GMDS: variants seen among roughly 807,000 people sequenced by gnomAD.
GMDS encodes GDP-mannose 4,6-dehydratase.
A neutral mutation model predicts 49.9 loss-of-function variants in GMDS; 20 were observed. The ratio of observed to expected loss-of-function variants is 0.40; its 90% CI spans 0.28 to 0.58. The LOEUF (loss-of-function observed/expected upper bound fraction) is 0.58, where lower values mean the gene tolerates loss of function less well. GMDS is among the 20% of genes least tolerant of loss of function. GMDS has a pLI of 0.42. For missense variants in GMDS, 362 were observed against 481.4 expected, an observed-to-expected ratio of 0.75 and a Z score of 2.32; for synonymous variants, 177 against 178.6, an observed-to-expected ratio of 0.99 and a Z score of 0.07.
chr6:1,777,948 C>T (rs1768907528), intron 7 of GMDS, among the ~76,000 whole-genome samples: 1 of 152,068 alleles, frequency 6.6e-6, no homozygotes, highest in South Asian at 2.1e-4. Context: ...AGGTGAAATG[C>T]TGAATTCTTT....
At chr6:2,217,313 C>T (rs1340899521) in intron 1 of GMDS, among the ~76,000 whole-genome samples, 2 of 152,098 alleles carry the variant, frequency 1.3e-5, no homozygotes, top group African/African-American at 2.4e-5. Context: ...AGTTCTATTA[C>T]CAGGACACGT....
chr6:2,126,026 T>C (rs2127511433), intron 1 of GMDS, among the ~76,000 whole-genome samples: 1 of 152,330 alleles, frequency 6.6e-6, no homozygotes, highest in Admixed American at 6.5e-5. Context: ...TTCTTAATAA[T>C]TATTTTTAAA....
intron 4 of GMDS, among the ~76,000 whole-genome samples, chr6:2,012,706 G>C (rs1767634475): frequency 6.6e-6 from 1 of 152,062 alleles, no homozygotes; most frequent in African/African-American, 2.4e-5. Flanking sequence ...GAAACCGCCA[G>C]GAAAATCAAA....
chr6:2,170,799 T>A (rs183933488), intron 1 of GMDS, among the ~76,000 whole-genome samples: 43 of 151,964 alleles, frequency 2.8e-4, no homozygotes, highest in Non-Finnish European at 4.4e-4. Flanking sequence ...ATCGAGACCA[T>A]CCTGACTAAC....
intron 7 of GMDS, among the ~76,000 whole-genome samples, chr6:1,855,737 AT>A (rs1427659687): frequency 1.3e-5 from 2 of 152,204 alleles, no homozygotes; most frequent in Non-Finnish European, 2.9e-5. Flanking sequence ...AAGAAACAAT[AT>A]TTTTCAAGAA....
intron 9 of GMDS, among the ~76,000 whole-genome samples, chr6:1,710,532 G>A (rs559936647): frequency 6.6e-6 from 1 of 152,096 alleles, no homozygotes; most frequent in Non-Finnish European, 1.5e-5. Context: ...GCCCTCTGGG[G>A]CTTCACCAAA....
At chr6:2,006,947 G>GA (rs1269933631) in intron 4 of GMDS, among the ~76,000 whole-genome samples, 17 of 152,296 alleles carry the variant, frequency 1.1e-4, no homozygotes, top group African/African-American at 3.8e-4. Context: ...TTATGCAGAA[G>GA]AAAAATGCCC....
chr6:1,885,611 C>A (rs184828789), intron 7 of GMDS, among the ~76,000 whole-genome samples: 7 of 152,254 alleles, frequency 4.6e-5, no homozygotes, highest in African/African-American at 1.7e-4. Context: ...CGTGACTGTT[C>A]CTTGGTCTCC....
intron 1 of GMDS, among the ~76,000 whole-genome samples, chr6:2,136,076 C>T (rs899216391): frequency 2.6e-5 from 4 of 151,960 alleles, no homozygotes; most frequent in South Asian, 4.2e-4. Context: ...AGGCAACTGT[C>T]GCACTATTGT....
chr6:1,828,439 A>G (rs1351166905), intron 7 of GMDS, among the ~76,000 whole-genome samples: 1 of 152,228 alleles, frequency 6.6e-6, no homozygotes, highest in Non-Finnish European at 1.5e-5. Flanking sequence ...TACAAATCCA[A>G]GAAGCTCACC....
chr6:1,975,389 A>T (rs540677498), intron 4 of GMDS, among the ~76,000 whole-genome samples: 48 of 152,266 alleles, frequency 3.2e-4, no homozygotes, highest in African/African-American at 1.0e-3. Flanking sequence ...GGACTGGGAG[A>T]ATGTTCCAGC....
At chr6:1,915,932 C>T (rs954717563) in intron 7 of GMDS, among the ~76,000 whole-genome samples, 1 of 152,174 alleles carries the variant, frequency 6.6e-6, no homozygotes, top group African/African-American at 2.4e-5. Flanking sequence ...TTTAAAATAA[C>T]AACTGACCAT....
At chr6:1,889,280 A>G (rs1010159632) in intron 7 of GMDS, among the ~76,000 whole-genome samples, 1 of 152,160 alleles carries the variant, frequency 6.6e-6, no homozygotes, top group Non-Finnish European at 1.5e-5. Flanking sequence ...GAGTCATTCC[A>G]TAGCATTTCC....
At chr6:1,812,116 C>T (rs778786504) in intron 7 of GMDS, among the ~76,000 whole-genome samples, 8 of 152,228 alleles carry the variant, frequency 5.3e-5, no homozygotes, top group Non-Finnish European at 1.0e-4. Context: ...GAGAGGAATT[C>T]GTTTTGAATG....
chr6:1,986,508 T>A (rs566393759), intron 4 of GMDS, among the ~76,000 whole-genome samples: 1 of 152,226 alleles, frequency 6.6e-6, no homozygotes, highest in Non-Finnish European at 1.5e-5. Flanking sequence ...ATTAAATACC[T>A]AAGAAAGTTG....
chr6:1,626,046 A>C (rs1398348270), intron 9 of GMDS: 6 of 152,046 alleles, frequency 3.9e-5, no homozygotes, highest in African/African-American at 1.2e-4. Context: ...GCAGGTGGGG[A>C]ATTTGTTCTA....
intron 4 of GMDS, among the ~76,000 whole-genome samples, chr6:2,036,255 G>A (rs1418609152): frequency 6.6e-6 from 1 of 152,180 alleles, no homozygotes; most frequent in Non-Finnish European, 1.5e-5. Context: ...TGACCCTTCT[G>A]TGTAAAGTAT....
At chr6:1,747,935 A>G (rs1186022708) in intron 7 of GMDS, among the ~76,000 whole-genome samples, 1 of 152,222 alleles carries the variant, frequency 6.6e-6, no homozygotes, top group Non-Finnish European at 1.5e-5. Context: ...ATACGACGTT[A>G]CTGAACAGAA....
At chr6:1,810,659 C>T (rs226465) in intron 7 of GMDS, among the ~76,000 whole-genome samples, 1 of 151,876 alleles carries the variant, frequency 6.6e-6, no homozygotes, top group African/African-American at 2.4e-5. Flanking sequence ...AGGGAACAGA[C>T]AGGGAGGAGG....
Sources: gnomAD v4.1 joint callset for allele counts (sites outside exome capture counted in the v4.1 genomes callset) on GRCh38, gnomAD v4.1.1 for gene constraint, MANE v1.5 for transcripts, NCBI Gene and HGNC (gene_info 2026-07-23, HGNC 2026-07-21) for gene names.